Variants in CMC1 observed in about 807,000 individuals in gnomAD.
CMC1 encodes the protein C-X9-C motif containing 1.
CMC1 carries 14 observed loss-of-function variants against 14.1 expected under a neutral mutation model. That is an observed-to-expected ratio of 0.99 (90% CI 0.66 to 1.55). The LOEUF (loss-of-function observed/expected upper bound fraction) is 1.55. Among genes scored for constraint, CMC1 ranks in the 40% most tolerant of loss-of-function variants. The probability of loss-of-function intolerance (pLI) is 0.00; values close to 1 mark genes in which losing one functional copy is unlikely to be tolerated. For synonymous variants in CMC1, 50 were observed against 38.4 expected, an observed-to-expected ratio of 1.30 and a Z score of -1.12; for missense variants, 127 against 123.8, an observed-to-expected ratio of 1.03 and a Z score of -0.12.
intron 2 of CMC1, among the ~76,000 whole-genome samples, chr3:28,293,337 G>T (rs1322241337): frequency 3.3e-5 from 5 of 151,268 alleles, no homozygotes; most frequent in African/African-American, 4.9e-5. Context: ...GGCTGGGGAG[G>T]TGACAGAATG....
At chr3:28,292,437 C>T (rs1176095110) in intron 2 of CMC1, among the ~76,000 whole-genome samples, 1 of 151,990 alleles carries the variant, frequency 6.6e-6, no homozygotes, top group Admixed American at 6.6e-5. Flanking sequence ...TTATCCTAAA[C>T]GTTGTTGCTA....
chr3:28,283,783 T>C (rs1701034560), intron 2 of CMC1, among the ~76,000 whole-genome samples: 1 of 152,170 alleles, frequency 6.6e-6, no homozygotes, highest in South Asian at 2.1e-4. Context: ...TACAGATTAC[T>C]GCAGTTACAG....
At chr3:28,260,103 T>C (rs11129314) in intron 1 of CMC1, among the ~76,000 whole-genome samples, 33,588 of 152,086 alleles carry the variant, frequency 0.22, 3,884 homozygotes, top group Admixed American at 0.28. Flanking sequence ...TGTTAATATA[T>C]CTCATGGATT....
intron 2 of CMC1, among the ~76,000 whole-genome samples, chr3:28,268,406 G>A (rs905982396): frequency 5.9e-5 from 9 of 152,180 alleles, no homozygotes; most frequent in African/African-American, 2.2e-4. Flanking sequence ...GACAACACAT[G>A]TGAAATGTTG....
chr3:28,262,684 T>C (rs1005352666), intron 1 of CMC1, among the ~76,000 whole-genome samples: 1 of 152,170 alleles, frequency 6.6e-6, no homozygotes, highest in South Asian at 2.1e-4. Context: ...AAGGCACTTA[T>C]CCTTTGTTTA....
intron 2 of CMC1, among the ~76,000 whole-genome samples, chr3:28,294,005 A>G (rs1403983024): frequency 6.6e-6 from 1 of 152,212 alleles, no homozygotes; most frequent in African/African-American, 2.4e-5. Flanking sequence ...ATTTCAAATA[A>G]AAGAAGAGAA....
In CMC1 at chr3:28,273,093, A is replaced by G. The variant is rs568041265; in HGVS notation, c.109+9713A>G. ...AGTTGTTTGGAATAGTTTCAGAAGAAATGGTACCAGCTCCTCTTTGTACCT... is the reference window on the plus strand; with the variant it reads ...AGTTGTTTGGAATAGTTTCAGAAGAGATGGTACCAGCTCCTCTTTGTACCT... On this transcript the variant is annotated intron_variant, in intron 2 of 3. Transcript: ENST00000466830. Among the ~76,000 whole-genome samples the G allele has an allele frequency of 7.9e-5, 12 of 152,298 alleles. 1 individual carries two copies. The highest frequency in any genetic ancestry group is 2.9e-4 in the African/African-American group (12 of 41,574).
chr3:28,296,334 TA>T (rs1244009105), intron 2 of CMC1, among the ~76,000 whole-genome samples: 1 of 152,122 alleles, frequency 6.6e-6, no homozygotes, highest in Non-Finnish European at 1.5e-5. Flanking sequence ...TCTTTAGTTT[TA>T]AAGTTTATAC....
intron 2 of CMC1, among the ~76,000 whole-genome samples, chr3:28,288,090 CA>C (rs895067473): frequency 1.8e-4 from 28 of 151,710 alleles, no homozygotes; most frequent in Admixed American, 4.6e-4. Flanking sequence ...TCCATCGTTA[CA>C]AAAAAAATTA....
intron 1 of CMC1, among the ~76,000 whole-genome samples, chr3:28,253,007 G>A (rs1699208357): frequency 6.9e-6 from 1 of 144,838 alleles, no homozygotes; most frequent in African/African-American, 2.4e-5. Context: ...TGGCTTGAAG[G>A]AAAGAAGGTG....
intron 2 of CMC1, among the ~76,000 whole-genome samples, chr3:28,283,233 G>A (rs1700985995): frequency 6.6e-6 from 1 of 152,104 alleles, no homozygotes; most frequent in Non-Finnish European, 1.5e-5. Context: ...CCAGTTCTTG[G>A]CCAGGTGTGG....
intron 1 of CMC1, among the ~76,000 whole-genome samples, chr3:28,243,060 T>C (rs555268918): frequency 1.3e-5 from 2 of 152,092 alleles, no homozygotes; most frequent in Non-Finnish European, 1.5e-5. Flanking sequence ...ATGGTATCTT[T>C]TTTTTTTATT....
chr3:28,251,369 G>A (rs1411070321), intron 1 of CMC1, among the ~76,000 whole-genome samples: 2 of 152,148 alleles, frequency 1.3e-5, no homozygotes, highest in African/African-American at 2.4e-5. Context: ...GCAAGAGCAG[G>A]AATTCATTAC....
intron 2 of CMC1, among the ~76,000 whole-genome samples, chr3:28,273,431 G>A (rs12633651): frequency 0.16 from 24,687 of 152,114 alleles, 2,228 homozygotes; most frequent in African/African-American, 0.24. Context: ...TCTTAATCTT[G>A]AGTTCTAATT....
At chr3:28,282,189 T>C (rs1700932868) in intron 2 of CMC1, among the ~76,000 whole-genome samples, 1 of 152,198 alleles carries the variant, frequency 6.6e-6, no homozygotes, top group South Asian at 2.1e-4. Flanking sequence ...AAATTACAAG[T>C]TTACTTTTTA....
chr3:28,320,287 A>G lies in CMC1; in HGVS notation c.*658A>G, dbSNP rs1361034436. Reference sequence around the variant, plus strand: ...AATACCCAAGACCAGGTAATTTATAAGAAAAGTTTGTTTGGCTCACAGTTC... The same window carrying G: ...AATACCCAAGACCAGGTAATTTATAGGAAAAGTTTGTTTGGCTCACAGTTC... On this transcript the variant is annotated 3_prime_UTR_variant, in exon 4 of 4. Transcript: ENST00000466830. The G allele has an allele frequency of 6.6e-6, 1 of 151,588 alleles. No individual in the cohort carries two copies. Among genetic ancestry groups the G allele is most frequent in the African/African-American group, 2.4e-5 (1 of 41,366 alleles). 9.4% of individuals were successfully genotyped at this position (151,588 alleles called of 1,614,324 possible). A position where few individuals can be genotyped will look rare whatever the true frequency, so the allele number is the denominator to read the frequency against.
rs137892378 is a variant in CMC1, at chr3:28,260,277, G to GGTGT, written c.20-3005_20-3002dup. 3.9e-3 allele frequency among the ~76,000 whole-genome samples: 567 copies of GGTGT among 144,416 alleles called. 3 individuals are homozygous for GGTGT. Among genetic ancestry groups the GGTGT allele is most frequent in the African/African-American group, 0.013 (523 of 39,164 alleles). The allele number at this position is 144,416 out of a possible 152,430, so 94.7% of individuals were successfully genotyped here. ...ATGAGGCATACTGGTGTGTAGATTT[G>GGTGT]GTGTGTGTGTGTATGTGTTTTGTAA... is the stretch of plus-strand genomic sequence containing the variant. On this transcript the variant is annotated intron_variant, in intron 1 of 3. Coordinates refer to ENST00000466830, the MANE Select transcript of CMC1 (RefSeq NM_182523.2).
At position 28,316,368 on chromosome 3, in the gene CMC1, A is replaced by C; in HGVS notation, c.145A>C (p.Met49Leu). The change falls in exon 3 of 4, where the codon ATG becomes CTG. Residue 49 changes from methionine to leucine, a missense_variant. By Grantham distance (15) the Met-to-Leu change is conservative. Transcript: ENST00000466830. ...ATGTTGCAAGAACTCTGGAGTTCTTATGGTAGTAAAATGCCGGAAAGAAAA... is the reference window on the plus strand; with the variant it reads ...ATGTTGCAAGAACTCTGGAGTTCTTCTGGTAGTAAAATGCCGGAAAGAAAA... ...TKCCKNSGVL[M>L]VVKCRKENSA... 6.3e-7 allele frequency: 1 copy of C among 1,594,984 alleles called. No homozygotes were observed. Among genetic ancestry groups the C allele is most frequent in the South Asian group, 1.1e-5 (1 of 87,254 alleles).
chr3:28,306,379 C>T (rs566669963), intron 2 of CMC1, among the ~76,000 whole-genome samples: 43 of 151,980 alleles, frequency 2.8e-4, no homozygotes, highest in Admixed American at 1.8e-3. Flanking sequence ...TTGGAGTTCT[C>T]GTAGAGCTCT....
Sources: gnomAD v4.1 joint callset for allele counts (sites outside exome capture counted in the v4.1 genomes callset) on GRCh38, gnomAD v4.1.1 for gene constraint, MANE v1.5 for transcripts, NCBI Gene and HGNC (gene_info 2026-07-23, HGNC 2026-07-21) for gene names.